Variants in PRR14L observed in about 807,000 individuals in gnomAD.
PRR14L encodes the protein proline rich 14 like, also known as protein PRR14L.
In PRR14L, 80 loss-of-function variants were observed where a neutral mutation model predicts 155.0. That is an observed-to-expected ratio of 0.52 (90% CI 0.43 to 0.62). The LOEUF (loss-of-function observed/expected upper bound fraction) is 0.62, where lower values mean the gene tolerates loss of function less well. Among genes scored for constraint, PRR14L ranks in the 20% least tolerant of loss-of-function variants. The pLI is 0.00. For missense variants in PRR14L, 2,469 were observed against 2,548.0 expected (o/e 0.97, Z 0.67); for synonymous variants, 883 against 916.0 (o/e 0.96, Z 0.65).
In PRR14L at chr22:31,712,354, G is replaced by A; in HGVS notation, c.5485C>T (p.Pro1829Ser). ...TTTGTCCAGATTCGGTAACATCCTG[G>A]GGAACAAAGTGCTAGAAGTGTGTGA... The part of the protein sequence containing the change: ...GLHTLLALCS[P>S]GCYRIWTKKR... Residue 1829 changes from proline (P) to serine (S), a missense_variant, in exon 4 of 9, where the codon CCA (proline) becomes TCA (serine). Pro to Ser is a moderately conservative substitution (Grantham distance 74, BLOSUM62 -1). Around this residue, in one of 2 missense-constraint regions of PRR14L, gnomAD observed 2,363 missense variants for 2,371.6 expected, o/e 1.00. Coordinates refer to ENST00000327423, the MANE Select transcript of PRR14L (RefSeq NM_173566.3). 1 of 1,613,712 alleles carries A rather than the reference G, an allele frequency of 6.2e-7. No individual in the cohort carries two copies. Among genetic ancestry groups the A allele is most frequent in the Non-Finnish European group, 8.5e-7 (1 of 1,179,814 alleles).
chr22:31,698,745 C>T (rs1455496655), intron 7 of PRR14L, among the ~76,000 whole-genome samples: 2 of 151,654 alleles, frequency 1.3e-5, no homozygotes, highest in Admixed American at 6.6e-5. Context: ...ATGGTGAAAC[C>T]CCATCTCTAC....
At chr22:31,739,250 G>C (rs2074799395) in intron 1 of PRR14L, among the ~76,000 whole-genome samples, 1 of 152,050 alleles carries the variant, frequency 6.6e-6, no homozygotes, top group South Asian at 2.1e-4. Context: ...AATAAAGATG[G>C]TTTTCTGTTT....
In PRR14L at chr22:31,714,630, T is replaced by C. The variant is rs774902164; in HGVS notation, c.3209A>G (p.Asp1070Gly). 3.9e-6 allele frequency: 6 copies of C among 1,551,970 alleles called. No individual in the cohort carries two copies. Among genetic ancestry groups the C allele is most frequent in the Middle Eastern group, 3.3e-4 (2 of 6,018 alleles). ...ATCCAGTAGATTAGATGCCTTCACGTCCAGCACACCTTCTGCAAGCTTATT... is the reference window on the plus strand; with the variant it reads ...ATCCAGTAGATTAGATGCCTTCACGCCCAGCACACCTTCTGCAAGCTTATT... The part of the protein sequence containing the change: ...CSNKLAEGVL[D>G]VKASNLLDCG... The change falls in exon 4 of 9, where the codon GAC becomes GGC. Residue 1070 changes from aspartate (D) to glycine (G), a missense_variant. Asp to Gly is a moderately conservative substitution (Grantham distance 94). Transcript: ENST00000327423.
At chr22:31,743,802 G>GAA (rs552902262) in intron 1 of PRR14L, among the ~76,000 whole-genome samples, 7 of 120,216 alleles carry the variant, frequency 5.8e-5, no homozygotes, top group African/African-American at 1.8e-4. Flanking sequence ...ACCCTGCCTC[G>GAA]AAAAAAAAAA....
At chr22:31,728,624 A>C (rs893260057) in intron 2 of PRR14L, among the ~76,000 whole-genome samples, 9 of 150,202 alleles carry the variant, frequency 6.0e-5, no homozygotes, top group Non-Finnish European at 7.4e-5. Context: ...AAAAAAAAAA[A>C]CGTATACTAC....
At chr22:31,738,349 C>T in intron 2 of PRR14L, 38 bp downstream of exon 2, 1 of 1,486,430 alleles carries the variant, frequency 6.7e-7, no homozygotes, top group Non-Finnish European at 9.1e-7. Context: ...AGCTGTCATT[C>T]ACACTCAACT....
chr22:31,727,783 A>C (rs1439589885), intron 2 of PRR14L, among the ~76,000 whole-genome samples: 2 of 151,592 alleles, frequency 1.3e-5, no homozygotes, highest in Non-Finnish European at 2.9e-5. Flanking sequence ...GGAGTTCAAG[A>C]CCAGCCTGGC....
intron 3 of PRR14L, among the ~76,000 whole-genome samples, chr22:31,717,494 G>A (rs1332764779): frequency 2.0e-5 from 3 of 152,134 alleles, no homozygotes; most frequent in Non-Finnish European, 2.9e-5. Flanking sequence ...TGGCAGAAAC[G>A]TAATTTTCAA....
At chr22:31,724,071 C>T (rs2074704765) in intron 3 of PRR14L, among the ~76,000 whole-genome samples, 1 of 152,208 alleles carries the variant, frequency 6.6e-6, no homozygotes, top group Non-Finnish European at 1.5e-5. Context: ...GTGAACTGTA[C>T]ATGCAAGGGA....
chr22:31,744,238 T>G (rs2074826705), intron 1 of PRR14L, among the ~76,000 whole-genome samples: 2 of 151,602 alleles, frequency 1.3e-5, no homozygotes, highest in Non-Finnish European at 2.9e-5. Context: ...GTTCAAGAGA[T>G]TCTCCCGCCC....
intron 5 of PRR14L, chr22:31,704,431 CT>C (rs536307233): frequency 0.061 from 19,526 of 320,462 alleles, 6 homozygotes; most frequent in Middle Eastern, 0.088. Flanking sequence ...GTGATTTTCA[CT>C]TTTTTTTTTT....
rs773127360 is a variant in PRR14L at position 31,728,714 on chromosome 22, C to CAA, written c.475-3106_475-3105dup. Among the ~76,000 whole-genome samples, 216 of 78,852 alleles carry CAA rather than the reference C, an allele frequency of 2.7e-3. 3 individuals are homozygous for CAA. The highest frequency in any genetic ancestry group is 9.0e-3 in the African/African-American group (193 of 21,472). The allele number at this position is 78,852 out of a possible 152,430, so 51.7% of individuals were successfully genotyped here. A position where few individuals can be genotyped will look rare whatever the true frequency, so the allele number is the denominator to read the frequency against. On this transcript the variant is annotated intron_variant, in intron 2 of 8. Coordinates refer to ENST00000327423, the MANE Select transcript of PRR14L (RefSeq NM_173566.3). The stretch of plus-strand genomic sequence containing the variant: ...CTGGGCGACAGAGTAGACTCCATCT[C>CAA]AAAAAAAAAAAAAAAAAAAAATTCT...
chr22:31,706,428 C>CTTTTTTTTTTTTTTTTTTTTTTTTTTTTT (rs771902267), intron 4 of PRR14L, among the ~76,000 whole-genome samples: 1 of 142,216 alleles, frequency 7.0e-6, no homozygotes, highest in African/African-American at 2.8e-5. Context: ...TAAACTCTTC[C>CTTTTTTTTTTTTTTTTTTTTTTTTTTTTT]TTTTTCTTTT....
At position 31,712,715 on chromosome 22, in the gene PRR14L, C is replaced by T. The variant is rs897941359; in HGVS notation, c.5124G>A (p.Pro1708=). 3.5e-5 allele frequency: 54 copies of T among 1,551,720 alleles called. No homozygotes were observed. Among genetic ancestry groups the T allele is most frequent in the African/African-American group, 1.9e-4 (14 of 73,162 alleles). The part of the protein sequence containing the change: ...MTFIDLSNKM[P]SLLFGSEIFP... Reference sequence around the variant, plus strand: ...AGATTTCAGAACCAAACAGCAGGGACGGCATCTTGTTGCTCAAATCTATGA... The same window carrying T: ...AGATTTCAGAACCAAACAGCAGGGATGGCATCTTGTTGCTCAAATCTATGA... The change falls in exon 4 of 9, where the codon CCG becomes CCA. Residue 1708 remains proline, a synonymous_variant. Transcript: ENST00000327423.
At chr22:31,749,555 G>A (rs539631732) in intron 1 of PRR14L, among the ~76,000 whole-genome samples, 91 of 152,300 alleles carry the variant, frequency 6.0e-4, no homozygotes, top group African/African-American at 2.1e-3. Context: ...AAAGTTGGGG[G>A]AAAGGTCTCA....
chr22:31,715,598 A>G lies in PRR14L; in HGVS notation c.2241T>C (p.Ala747=), dbSNP rs1209547765. The G allele has an allele frequency of 3.2e-6, 5 of 1,551,942 alleles. No individual in the cohort carries two copies. Among genetic ancestry groups the G allele is most frequent in the African/African-American group, 1.4e-5 (1 of 73,062 alleles). The part of the protein sequence containing the change: ...PVSLERKKEM[A]DSGTKALHSR... ...AATGTAGAGCTTTTGTTCCTGAATC[A>G]GCCATTTCCTTTTTTCTCTCTAGGC... The change falls in exon 4 of 9, where the codon GCT becomes GCC. Residue 747 remains alanine, a synonymous_variant. Transcript: ENST00000327423.
intron 3 of PRR14L, among the ~76,000 whole-genome samples, chr22:31,720,078 A>G (rs1276561840): frequency 2.6e-5 from 4 of 152,068 alleles, no homozygotes; most frequent in Non-Finnish European, 1.5e-5. Flanking sequence ...CTTTTATTGT[A>G]AAAGGTGGGG....
chr22:31,698,290 G>T (rs1183429641), intron 7 of PRR14L, among the ~76,000 whole-genome samples: 1 of 151,902 alleles, frequency 6.6e-6, no homozygotes, highest in Admixed American at 6.6e-5. Flanking sequence ...CTCCCAATGT[G>T]CTGTGATTAC....
chr22:31,695,163 C>A (rs907393543), intron 7 of PRR14L, among the ~76,000 whole-genome samples: 2 of 152,116 alleles, frequency 1.3e-5, no homozygotes, highest in Admixed American at 6.6e-5. Context: ...CTTTGTGAAG[C>A]GAATAATGTA....
Sources: allele counts gnomAD v4.1 joint callset (sites outside exome capture counted in the v4.1 genomes callset), GRCh38; gene constraint gnomAD v4.1.1; regional missense constraint gnomAD v4.1.1; transcripts MANE v1.5; gene names NCBI Gene and HGNC (gene_info 2026-07-23, HGNC 2026-07-21).